LGSN: variants seen among roughly 807,000 people sequenced by gnomAD.
LGSN encodes the protein lengsin.
In LGSN, 21 loss-of-function variants were observed where a neutral mutation model predicts 19.5. The ratio of observed to expected loss-of-function variants is 1.07; its 90% CI spans 0.76 to 1.55. LGSN has a LOEUF of 1.55. Among genes scored for constraint, LGSN ranks in the 40% most tolerant of loss-of-function variants. LGSN has a pLI of 0.00. For synonymous variants in LGSN, 257 were observed against 215.6 expected (o/e 1.19, Z -1.68); for missense variants, 673 against 608.5 (o/e 1.11, Z -1.12).
chr6:63,495,079 G>C, the LGSN span, among the ~76,000 whole-genome samples: 1 of 151,668 alleles, frequency 6.6e-6, no homozygotes, highest in African/African-American at 2.4e-5. Context: ...GTCCACTATT[G>C]ACACAGCACT....
intron 3 of LGSN, among the ~76,000 whole-genome samples, chr6:63,283,578 C>T (rs1767403776): frequency 6.7e-6 from 1 of 149,568 alleles, no homozygotes; most frequent in South Asian, 2.1e-4. Flanking sequence ...TAAAACACCA[C>T]ACACACATGC....
In LGSN at chr6:63,316,123, A is replaced by G. The variant is rs114130308; in HGVS notation, c.30+3791T>C. On this transcript the variant is annotated intron_variant, in intron 1 of 3. Coordinates refer to ENST00000370657, the MANE Select transcript of LGSN (RefSeq NM_016571.3). ...CAACCTGGTTAATTTCCACTTCTAC[A>G]ATCAAATTTTCACTTTCTAACTGTT... Among the ~76,000 whole-genome samples, 445 of 152,224 alleles carry G rather than the reference A, an allele frequency of 2.9e-3. 3 individuals carry two copies. Among genetic ancestry groups the G allele is most frequent in the African/African-American group, 0.01 (421 of 41,554 alleles).
chr6:63,553,710 A>G, the LGSN span, among the ~76,000 whole-genome samples: 1 of 152,194 alleles, frequency 6.6e-6, no homozygotes, highest in Admixed American at 6.6e-5. Context: ...ATCTTTGTGT[A>G]TAGGAGCAGG....
At chr6:63,553,814 A>G in the LGSN span, among the ~76,000 whole-genome samples, 1 of 152,120 alleles carries the variant, frequency 6.6e-6, no homozygotes, top group African/African-American at 2.4e-5. Context: ...ACTAAACAAA[A>G]CCATTGCCCA....
chr6:63,389,305 T>G, the LGSN span, among the ~76,000 whole-genome samples: 1 of 152,220 alleles, frequency 6.6e-6, no homozygotes, highest in Non-Finnish European at 1.5e-5. Context: ...GAAAAGAAGC[T>G]TACCTTACAT....
At chr6:63,510,131 C>A in the LGSN span, among the ~76,000 whole-genome samples, 1 of 152,190 alleles carries the variant, frequency 6.6e-6, no homozygotes, top group Non-Finnish European at 1.5e-5. Flanking sequence ...TCCAGAAGAA[C>A]TGCCTGTATT....
the LGSN span, among the ~76,000 whole-genome samples, chr6:63,367,996 C>A: frequency 6.6e-6 from 1 of 151,034 alleles, no homozygotes; most frequent in African/African-American, 2.4e-5. Context: ...ATGTAAATGA[C>A]GAGTTAAGGG....
the LGSN span, among the ~76,000 whole-genome samples, chr6:63,566,916 C>T: frequency 1.4e-3 from 207 of 152,334 alleles, no homozygotes; most frequent in Non-Finnish European, 1.9e-3. Flanking sequence ...TTCAACAATG[C>T]TTACGGCATC....
intron 2 of LGSN, among the ~76,000 whole-genome samples, chr6:63,291,553 T>C (rs145178498): frequency 3.3e-5 from 5 of 152,342 alleles, no homozygotes; most frequent in Admixed American, 2.0e-4. Context: ...TGCCATTCTG[T>C]TCTCCTGCTC....
chr6:63,456,297 G>A, the LGSN span, among the ~76,000 whole-genome samples: 9 of 142,858 alleles, frequency 6.3e-5, no homozygotes, highest in East Asian at 4.1e-4. Flanking sequence ...CATATCTTCA[G>A]GGCACCTTGA....
the LGSN span, among the ~76,000 whole-genome samples, chr6:63,412,151 G>C: frequency 6.6e-6 from 1 of 152,042 alleles, no homozygotes; most frequent in South Asian, 2.1e-4. Flanking sequence ...CAGATCACTT[G>C]AGGTCAGGAG....
chr6:63,400,388 T>C, the LGSN span, among the ~76,000 whole-genome samples: 1 of 152,276 alleles, frequency 6.6e-6, no homozygotes. Context: ...GATAGGAATA[T>C]AGCAGAGGTC....
chr6:63,373,977 A>C, the LGSN span, among the ~76,000 whole-genome samples: 7 of 152,248 alleles, frequency 4.6e-5, no homozygotes, highest in African/African-American at 1.7e-4. Flanking sequence ...AGTGGCATCC[A>C]TGGGACAATT....
the LGSN span, among the ~76,000 whole-genome samples, chr6:63,352,708 C>G: frequency 6.6e-6 from 1 of 151,694 alleles, no homozygotes; most frequent in Admixed American, 6.6e-5. Flanking sequence ...CACACACAGA[C>G]ACACAGTTTT....
At chr6:63,409,443 A>G in the LGSN span, among the ~76,000 whole-genome samples, 6 of 152,334 alleles carry the variant, frequency 3.9e-5, no homozygotes, top group African/African-American at 1.4e-4. Flanking sequence ...TTGATCAAGT[A>G]TTCACTTTAC....
chr6:63,295,979 TC>T (rs1290350836), intron 1 of LGSN, among the ~76,000 whole-genome samples: 1 of 152,196 alleles, frequency 6.6e-6, no homozygotes, highest in Non-Finnish European at 1.5e-5. Context: ...GAGCTTAGTA[TC>T]TTTTTGAAAA....
chr6:63,509,096 G>T, the LGSN span, among the ~76,000 whole-genome samples: 3 of 147,022 alleles, frequency 2.0e-5, no homozygotes, highest in Non-Finnish European at 4.5e-5. Flanking sequence ...AGTCAGTCTC[G>T]CTCTGTTGCC....
chr6:63,407,378 C>A, the LGSN span, among the ~76,000 whole-genome samples: 1,116 of 152,128 alleles, frequency 7.3e-3, 8 homozygotes, highest in African/African-American at 0.025. Flanking sequence ...GTTCAATATA[C>A]GCAAATCAAT....
At chr6:63,534,991 C>G in the LGSN span, among the ~76,000 whole-genome samples, 2 of 151,958 alleles carry the variant, frequency 1.3e-5, no homozygotes, top group Non-Finnish European at 2.9e-5. Flanking sequence ...ACCCAGGAGG[C>G]AGAGGTTGCA....
Sources: gnomAD v4.1 joint callset for allele counts (sites outside exome capture counted in the v4.1 genomes callset) on GRCh38, gnomAD v4.1.1 for gene constraint, MANE v1.5 for transcripts, NCBI Gene and HGNC (gene_info 2026-07-23, HGNC 2026-07-21) for gene names.